Variants in KCNMB2 observed in about 807,000 individuals in gnomAD.
KCNMB2 encodes the protein potassium calcium-activated channel subfamily M regulatory beta subunit 2.
A neutral mutation model predicts 24.5 loss-of-function variants in KCNMB2; 9 were observed. That is an observed-to-expected ratio of 0.37 (90% confidence interval 0.22 to 0.64). KCNMB2 has a LOEUF of 0.64. KCNMB2 is among the 30% of genes least tolerant of loss of function. The pLI, the probability that KCNMB2 is intolerant of heterozygous loss-of-function variation, is 0.63. For missense variants in KCNMB2, 226 were observed against 284.3 expected (o/e 0.79, Z 1.47); for synonymous variants, 109 against 104.4 (o/e 1.04, Z -0.27).
At chr3:178,726,791 C>T (rs771436670) in intron 1 of KCNMB2, among the ~76,000 whole-genome samples, 26 of 152,054 alleles carry the variant, frequency 1.7e-4, no homozygotes, top group Non-Finnish European at 3.1e-4. Context: ...AAAATGTTTA[C>T]TTATGATAAT....
intron 1 of KCNMB2, among the ~76,000 whole-genome samples, chr3:178,784,465 C>T (rs1713013935): frequency 6.6e-6 from 1 of 152,082 alleles, no homozygotes; most frequent in South Asian, 2.1e-4. Context: ...AATCTATATG[C>T]TACAAAATGT....
chr3:178,754,177 T>TATATATAC lies in KCNMB2; in HGVS notation c.-67-53165_-67-53164insTATATACA, dbSNP rs1435109631. Among the ~76,000 whole-genome samples, 178 of 117,174 alleles carry TATATATAC rather than the reference T, an allele frequency of 1.5e-3. 2 individuals carry two copies. The highest frequency in any genetic ancestry group is 5.1e-3 in the African/African-American group (136 of 26,880). 76.9% of individuals were successfully genotyped at this position (117,174 alleles called of 152,430 possible). On this transcript the variant is annotated intron_variant, in intron 1 of 4. Transcript: ENST00000452583. ...ATATATATATATATATATATATATA[T>TATATATAC]ACACACACACACACATACATATATA...
At chr3:178,633,117 G>GC (rs1035731948) in intron 1 of KCNMB2, among the ~76,000 whole-genome samples, 48 of 152,180 alleles carry the variant, frequency 3.2e-4, no homozygotes, top group Admixed American at 2.3e-3. Context: ...GCAGGGTACA[G>GC]CCCCCCCGCC....
chr3:178,773,818 T>C (rs917337094), intron 1 of KCNMB2, among the ~76,000 whole-genome samples: 1 of 152,222 alleles, frequency 6.6e-6, no homozygotes, highest in Non-Finnish European at 1.5e-5. Context: ...ACAGACCAAA[T>C]GTTCAGTGTG....
intron 1 of KCNMB2, among the ~76,000 whole-genome samples, chr3:178,679,234 T>C (rs1167894488): frequency 6.6e-6 from 1 of 151,848 alleles, no homozygotes; most frequent in East Asian, 1.9e-4. Flanking sequence ...ATTTCTCCTT[T>C]ATTTTTTCTT....
chr3:178,729,746 T>A (rs1723083553), intron 1 of KCNMB2, among the ~76,000 whole-genome samples: 1 of 152,230 alleles, frequency 6.6e-6, no homozygotes, highest in Non-Finnish European at 1.5e-5. Flanking sequence ...AAGCAAATGG[T>A]CTTTGAATAG....
intron 1 of KCNMB2, among the ~76,000 whole-genome samples, chr3:178,757,912 T>C (rs1211092331): frequency 7.7e-6 from 1 of 130,598 alleles, no homozygotes; most frequent in Non-Finnish European, 1.7e-5. Context: ...GATACATATA[T>C]ATATCCAAGA....
intron 1 of KCNMB2, chr3:178,558,776 G>C (rs1232822656): frequency 1.3e-5 from 2 of 152,168 alleles, no homozygotes; most frequent in African/African-American, 4.8e-5. Context: ...ATGGTTGACT[G>C]CTCTCTTCTC....
At chr3:178,815,280 G>A (rs13090876) in intron 2 of KCNMB2, among the ~76,000 whole-genome samples, 39,856 of 151,388 alleles carry the variant, frequency 0.26, 7,008 homozygotes, top group African/African-American at 0.51. Context: ...CTGAAACTAC[G>A]GGCATGCACC....
intron 1 of KCNMB2, among the ~76,000 whole-genome samples, chr3:178,733,628 A>C (rs752719669): frequency 5.9e-5 from 9 of 152,010 alleles, no homozygotes; most frequent in Non-Finnish European, 1.2e-4. Context: ...CTACAGGTGC[A>C]TGCCACCATG....
At chr3:178,783,759 C>A (rs938255247) in intron 1 of KCNMB2, among the ~76,000 whole-genome samples, 4 of 152,156 alleles carry the variant, frequency 2.6e-5, no homozygotes, top group African/African-American at 7.2e-5. Context: ...TTGACTTCCT[C>A]TTTTCCTAAT....
chr3:178,611,080 G>C (rs1718464944), intron 1 of KCNMB2, among the ~76,000 whole-genome samples: 1 of 152,092 alleles, frequency 6.6e-6, no homozygotes, highest in South Asian at 2.1e-4. Context: ...TCAATATTTG[G>C]TAGAATTCAG....
rs557595458 is a variant in KCNMB2 at position 178,789,013 on chromosome 3, A to G, written c.-67-18330A>G. ...AAGAATACAGATTAGCTCCACAGTC[A>G]TATTTTCACAGATGGTGAAACTGGG... On this transcript the variant is annotated intron_variant, in intron 1 of 4. Transcript: ENST00000452583. 9.0e-4 allele frequency among the ~76,000 whole-genome samples: 137 copies of G among 152,346 alleles called. No homozygotes were observed. In the Middle Eastern group the frequency reaches 0.02, roughly 23 times the overall value.
At chr3:178,680,020 G>C (rs1316712994) in intron 1 of KCNMB2, among the ~76,000 whole-genome samples, 1 of 152,034 alleles carries the variant, frequency 6.6e-6, no homozygotes, top group Admixed American at 6.6e-5. Context: ...GCAGGTGACA[G>C]TGGGGAAGAA....
chr3:178,590,982 A>G (rs1021529400), intron 1 of KCNMB2, among the ~76,000 whole-genome samples: 3 of 152,180 alleles, frequency 2.0e-5, no homozygotes, highest in African/African-American at 7.2e-5. Flanking sequence ...ATTATGTTGC[A>G]TGATCCATGA....
intron 1 of KCNMB2, among the ~76,000 whole-genome samples, chr3:178,714,601 A>C (rs1051074326): frequency 1.2e-4 from 19 of 152,368 alleles, no homozygotes; most frequent in African/African-American, 4.6e-4. Context: ...AACAGTGCGC[A>C]GAAGTGAATG....
chr3:178,700,374 G>GGC (rs777946909), intron 1 of KCNMB2, among the ~76,000 whole-genome samples: 1 of 152,154 alleles, frequency 6.6e-6, no homozygotes, highest in Non-Finnish European at 1.5e-5. Context: ...GCTTAATAAA[G>GGC]TACACATATA....
intron 1 of KCNMB2, among the ~76,000 whole-genome samples, chr3:178,685,285 T>C (rs913830030): frequency 2.0e-5 from 3 of 152,248 alleles, no homozygotes; most frequent in Admixed American, 6.5e-5. Context: ...TAGCTATCAG[T>C]ATTTTAAAAG....
chr3:178,674,360 T>C (rs1721003492), intron 1 of KCNMB2, among the ~76,000 whole-genome samples: 1 of 152,194 alleles, frequency 6.6e-6, no homozygotes, highest in Admixed American at 6.5e-5. Flanking sequence ...GCTTAGCATG[T>C]TAAGTTAAAT....
Sources: allele counts gnomAD v4.1 joint callset (sites outside exome capture counted in the v4.1 genomes callset), GRCh38; gene constraint gnomAD v4.1.1; transcripts MANE v1.5; gene names NCBI Gene and HGNC (gene_info 2026-07-23, HGNC 2026-07-21).